FBLN1: variants seen among roughly 807,000 people sequenced by gnomAD.
FBLN1 encodes the protein fibulin-1.
A neutral mutation model predicts 89.7 loss-of-function variants in FBLN1; 34 were observed. That is an observed-to-expected ratio of 0.38 (90% CI 0.29 to 0.50). The LOEUF is 0.50. FBLN1 is among the 20% of genes least tolerant of loss of function. The pLI is 0.92. For missense variants in FBLN1, 777 were observed against 988.1 expected (o/e 0.79, Z 2.86); for synonymous variants, 393 against 391.3 (o/e 1.00, Z -0.05).
intron 16 of FBLN1, among the ~76,000 whole-genome samples, chr22:45,586,005 C>G (rs989793643): frequency 6.8e-6 from 1 of 146,346 alleles, no homozygotes; most frequent in East Asian, 2.0e-4. Context: ...TGGGCTCAGG[C>G]CAGACCCCTC....
rs1185327064 is a variant in FBLN1 at position 45,557,366 on chromosome 22, A to G, written c.1697+6751A>G. Reference sequence around the variant, plus strand: ...GCCATTTCCATGATGGAAGAGGTCCAGTATAATCAACCTGCCACCAGGTAG... The same window carrying G: ...GCCATTTCCATGATGGAAGAGGTCCGGTATAATCAACCTGCCACCAGGTAG... On this transcript the variant is annotated intron_variant, in intron 14 of 16. Coordinates refer to ENST00000327858, the MANE Select transcript of FBLN1 (RefSeq NM_006486.3). The surrounding 1 kb of genome is among the most constrained non-coding windows in gnomAD (Gnocchi z 4.9). 6.6e-6 allele frequency among the ~76,000 whole-genome samples: 1 copy of G among 152,220 alleles called. No homozygotes were observed. Among genetic ancestry groups the G allele is most frequent in the Admixed American group, 6.5e-5 (1 of 15,288 alleles).
chr22:45,540,672 A>C (rs1404864999), intron 8 of FBLN1, among the ~76,000 whole-genome samples: 6 of 152,220 alleles, frequency 3.9e-5, no homozygotes, highest in Non-Finnish European at 8.8e-5. Context: ...TGGACCATTC[A>C]TGGGTTCACA....
intron 2 of FBLN1, among the ~76,000 whole-genome samples, chr22:45,519,999 G>A (rs1026341872): frequency 5.9e-5 from 9 of 152,092 alleles, no homozygotes; most frequent in South Asian, 4.1e-4. Flanking sequence ...GTGAAACCCC[G>A]TCTCTACTAA....
chr22:45,527,209 T>C (rs960804795), intron 3 of FBLN1, among the ~76,000 whole-genome samples: 1 of 152,176 alleles, frequency 6.6e-6, no homozygotes, highest in Non-Finnish European at 1.5e-5. Context: ...GGGCTTTTCG[T>C]GTGTCAGGGC....
chr22:45,514,643 C>T (rs2088145364), intron 1 of FBLN1, among the ~76,000 whole-genome samples: 1 of 152,132 alleles, frequency 6.6e-6, no homozygotes, highest in Non-Finnish European at 1.5e-5. Context: ...AGGATCTTGC[C>T]CCAGCAGCCT....
intron 16 of FBLN1, among the ~76,000 whole-genome samples, chr22:45,599,310 G>A (rs1366788480): frequency 6.6e-6 from 1 of 152,204 alleles, no homozygotes; most frequent in Non-Finnish European, 1.5e-5. Context: ...CGCCACTGCT[G>A]CTCTGATCCT....
chr22:45,532,987 C>T lies in FBLN1; in HGVS notation c.545-76C>T. 1 of 1,410,424 alleles carries T rather than the reference C, an allele frequency of 7.1e-7. No individual in the cohort carries two copies. The highest frequency in any genetic ancestry group is 1.0e-6 in the Non-Finnish European group (1 of 1,002,830). 87.4% of individuals were successfully genotyped at this position (1,410,424 alleles called of 1,614,324 possible). On this transcript the variant is annotated intron_variant, in intron 5 of 16. Coordinates refer to ENST00000327858, the MANE Select transcript of FBLN1 (RefSeq NM_006486.3). The surrounding 1 kb of genome is among the most constrained non-coding windows in gnomAD (Gnocchi z 4.2). The stretch of plus-strand genomic sequence containing the variant: ...TCTGCCCAGAGGGCGTTTTCTATGA[C>T]CCAGCCTGAACGGAGCTAGAAACCA...
At chr22:45,571,892 A>T (rs1352623714) in intron 14 of FBLN1, among the ~76,000 whole-genome samples, 1 of 152,130 alleles carries the variant, frequency 6.6e-6, no homozygotes, top group Non-Finnish European at 1.5e-5. Context: ...GCACTATGGG[A>T]GGCCAAGGCA....
intron 1 of FBLN1, among the ~76,000 whole-genome samples, chr22:45,517,146 A>G (rs1349944432): frequency 6.6e-6 from 1 of 152,238 alleles, no homozygotes; most frequent in African/African-American, 2.4e-5. Flanking sequence ...AGAAGAATGT[A>G]TTCAGGCAGG....
chr22:45,555,936 T>C (rs1300366431), intron 14 of FBLN1, among the ~76,000 whole-genome samples: 1 of 152,224 alleles, frequency 6.6e-6, no homozygotes, highest in Non-Finnish European at 1.5e-5. Context: ...AGAAAGGAAA[T>C]AAAATGAAGT....
rs946224257 is a variant in FBLN1, at chr22:45,556,325, C to G, written c.1697+5710C>G. ...TTTTAAAAGAAGGAGGAAATACTCA[C>G]GACAATTACAGTCCTCGTTTCTGCA... On this transcript the variant is annotated intron_variant, in intron 14 of 16. Coordinates refer to ENST00000327858, the MANE Select transcript of FBLN1 (RefSeq NM_006486.3). The surrounding 1 kb of genome is among the most constrained non-coding windows in gnomAD (Gnocchi z 4.6). 6.6e-6 allele frequency among the ~76,000 whole-genome samples: 1 copy of G among 152,174 alleles called. No individual in the cohort carries two copies. The highest frequency in any genetic ancestry group is 6.5e-5 in the Admixed American group (1 of 15,272).
At chr22:45,541,161 A>G in intron 8 of FBLN1, 68 bp from the exon 9 acceptor site, 2 of 1,602,322 alleles carry the variant, frequency 1.2e-6, no homozygotes, top group Non-Finnish European at 1.7e-6. Flanking sequence ...TTCTTTGGAG[A>G]TCCAGTTTTT....
At chr22:45,514,213 G>C (rs1033118275) in intron 1 of FBLN1, among the ~76,000 whole-genome samples, 1 of 152,212 alleles carries the variant, frequency 6.6e-6, no homozygotes, top group Non-Finnish European at 1.5e-5. Flanking sequence ...TTCCTGCCCT[G>C]TCCCAAGGTA....
chr22:45,580,796 A>AG lies in FBLN1; in HGVS notation c.1972+3691dup, dbSNP rs1466380303. 6.6e-6 allele frequency among the ~76,000 whole-genome samples: 1 copy of AG among 152,030 alleles called. No homozygotes were observed. The highest frequency in any genetic ancestry group is 1.5e-5 in the Non-Finnish European group (1 of 67,990). On this transcript the variant is annotated intron_variant, in intron 16 of 16. Coordinates refer to ENST00000327858, the MANE Select transcript of FBLN1 (RefSeq NM_006486.3). This position sits in a 1 kb window ranked among gnomAD's most constrained non-coding sequence, Gnocchi z 8.6. ...AGTCCTCCCAGAGTAACAGAAGAAGAGGGAGAAATGCCCCGAGTCCACTAA... is the reference window on the plus strand; with the variant it reads ...AGTCCTCCCAGAGTAACAGAAGAAGAGGGGAGAAATGCCCCGAGTCCACTAA...
In FBLN1 at chr22:45,597,484, G is replaced by T. The variant is rs1024115326; in HGVS notation, c.1973-2823G>T. On this transcript the variant is annotated intron_variant, in intron 16 of 16. Transcript: ENST00000327858. This position sits in a 1 kb window ranked among gnomAD's most constrained non-coding sequence, Gnocchi z 4.2. ...GTTGGCAGGTCACTGTGGCTAGCGG[G>T]GGCACCATTGTTGGCCTCGGGCCTG... 6.6e-5 allele frequency among the ~76,000 whole-genome samples: 10 copies of T among 152,166 alleles called. No individual in the cohort carries two copies. The highest frequency in any genetic ancestry group is 2.2e-4 in the African/African-American group (9 of 41,424).
rs1037352288 is a variant in FBLN1 at position 45,555,176 on chromosome 22, G to A, written c.1697+4561G>A. 1.3e-4 allele frequency among the ~76,000 whole-genome samples: 20 copies of A among 151,724 alleles called. 1 individual carries two copies. Among genetic ancestry groups the A allele is most frequent in the Non-Finnish European group, 2.9e-5 (2 of 68,008 alleles). ...TCTCCACCGCAGGAGGTTGGGACCC[G>A]TCTCTGTCTCCACCACAAGAAGTTT... On this transcript the variant is annotated intron_variant, in intron 14 of 16. Coordinates refer to ENST00000327858, the MANE Select transcript of FBLN1 (RefSeq NM_006486.3).
At chr22:45,514,594 G>T (rs1171755294) in intron 1 of FBLN1, among the ~76,000 whole-genome samples, 5 of 152,182 alleles carry the variant, frequency 3.3e-5, no homozygotes, top group Non-Finnish European at 7.3e-5. Flanking sequence ...TCCACCCCCT[G>T]GGACGATGGA....
chr22:45,579,573 G>A lies in FBLN1; in HGVS notation c.1972+2465G>A, dbSNP rs1473726504. On this transcript the variant is annotated intron_variant, in intron 16 of 16. Coordinates refer to ENST00000327858, the MANE Select transcript of FBLN1 (RefSeq NM_006486.3). This position sits in a 1 kb window ranked among gnomAD's most constrained non-coding sequence, Gnocchi z 5.5. Reference sequence around the variant, plus strand: ...AATTGTCGTGCCTGTAGCCCTGTGTGCTGGGGAGGCCCCTGCCTCTTCCAC... The same window carrying A: ...AATTGTCGTGCCTGTAGCCCTGTGTACTGGGGAGGCCCCTGCCTCTTCCAC... 1.3e-5 allele frequency among the ~76,000 whole-genome samples: 2 copies of A among 152,204 alleles called. No homozygotes were observed. Among genetic ancestry groups the A allele is most frequent in the South Asian group, 2.1e-4 (1 of 4,830 alleles).
chr22:45,553,978 G>GGT (rs2088741456), intron 14 of FBLN1, among the ~76,000 whole-genome samples: 3 of 152,228 alleles, frequency 2.0e-5, no homozygotes, highest in African/African-American at 7.2e-5. Context: ...TGAAGTTGCT[G>GGT]GTGTGTGTGC....
Sources: gnomAD v4.1 joint callset for allele counts (sites outside exome capture counted in the v4.1 genomes callset) on GRCh38, gnomAD v4.1.1 for gene constraint, Gnocchi (gnomAD v3.1) non-coding constraint, MANE v1.5 for transcripts, NCBI Gene and HGNC (gene_info 2026-07-23, HGNC 2026-07-21) for gene names.